ME1: variants seen among roughly 807,000 people sequenced by gnomAD.
ME1 encodes NADP-dependent malic enzyme.
Under a neutral mutation model 66.4 loss-of-function variants are expected in ME1, and 74 were observed. That is an observed-to-expected ratio of 1.11 (90% CI 0.92 to 1.35). ME1 has a LOEUF of 1.35. Ranked by LOEUF, ME1 falls within the 40% of genes most tolerant of loss-of-function variation. The probability of loss-of-function intolerance (pLI) is 0.00; values close to 1 mark genes in which losing one functional copy is unlikely to be tolerated. For missense variants in ME1, 750 were observed against 694.1 expected, an observed-to-expected ratio of 1.08 and a Z score of -0.90; for synonymous variants, 251 against 235.6, an observed-to-expected ratio of 1.07 and a Z score of -0.60.
intron 2 of ME1, among the ~76,000 whole-genome samples, chr6:83,406,315 T>G (rs1324600749): frequency 6.6e-6 from 1 of 152,218 alleles, no homozygotes; most frequent in Non-Finnish European, 1.5e-5. Flanking sequence ...CTCTTCCCAA[T>G]TTTGCTATCA....
intron 4 of ME1, among the ~76,000 whole-genome samples, chr6:83,348,588 TA>T (rs1018630990): frequency 8.5e-5 from 13 of 152,106 alleles, no homozygotes; most frequent in African/African-American, 3.1e-4. Context: ...AGAGAGTTGT[TA>T]TTTGGTTTCA....
intron 3 of ME1, among the ~76,000 whole-genome samples, chr6:83,371,946 C>A (rs537778656): frequency 3.3e-5 from 5 of 152,228 alleles, no homozygotes; most frequent in African/African-American, 2.4e-5. Flanking sequence ...GGTTTAGGGG[C>A]CCCTCCTGTA....
intron 5 of ME1, among the ~76,000 whole-genome samples, chr6:83,331,870 C>T (rs530389637): frequency 6.6e-6 from 1 of 152,128 alleles, no homozygotes; most frequent in East Asian, 1.9e-4. Context: ...TAATAATGTC[C>T]AAACAAGCAG....
chr6:83,369,755 AT>A (rs896120517), intron 3 of ME1, among the ~76,000 whole-genome samples: 1 of 152,038 alleles, frequency 6.6e-6, no homozygotes, highest in African/African-American at 2.4e-5. Context: ...ATAGAAAACG[AT>A]TTTTTTATAA....
chr6:83,352,246 A>G, intron 3 of ME1, 107 bp from the exon 4 acceptor site: 1 of 596,838 alleles, frequency 1.7e-6, no homozygotes. Flanking sequence ...AATTTATCTC[A>G]ATTTTTATCA....
At chr6:83,404,680 T>C (rs1583420106) in intron 2 of ME1, among the ~76,000 whole-genome samples, 1 of 152,232 alleles carries the variant, frequency 6.6e-6, no homozygotes, top group Non-Finnish European at 1.5e-5. Context: ...AGTTAATTTT[T>C]GTATAAGCTG....
intron 9 of ME1, among the ~76,000 whole-genome samples, chr6:83,234,518 T>A (rs536786603): frequency 1.2e-4 from 19 of 152,170 alleles, no homozygotes; most frequent in African/African-American, 4.1e-4. Context: ...CCCCAAGGAG[T>A]CCATCTAGAC....
At chr6:83,274,654 A>G (rs1174344122) in intron 6 of ME1, among the ~76,000 whole-genome samples, 1 of 152,212 alleles carries the variant, frequency 6.6e-6, no homozygotes, top group Non-Finnish European at 1.5e-5. Context: ...AGAAGTGTTT[A>G]TTTCAGAGTA....
chr6:83,224,581 G>A (rs1023987886), intron 11 of ME1, among the ~76,000 whole-genome samples: 5 of 151,304 alleles, frequency 3.3e-5, no homozygotes, highest in Non-Finnish European at 7.4e-5. Context: ...CTACTTGAGA[G>A]GCTGAGGCAG....
rs1260780652 is a variant in ME1, at chr6:83,225,154, A to G, written c.1276-1221T>C. On this transcript the variant is annotated intron_variant, in intron 11 of 13. Transcript: ENST00000369705. Reference sequence around the variant, plus strand: ...GAGGCGGAGGTTGCAGTGAGCCGAGATCGTGCCATTCATTGCACTCCAGCC... The same window carrying G: ...GAGGCGGAGGTTGCAGTGAGCCGAGGTCGTGCCATTCATTGCACTCCAGCC... 2.1e-5 allele frequency among the ~76,000 whole-genome samples: 3 copies of G among 141,506 alleles called. No individual in the cohort carries two copies. The East Asian group carries it at 6.8e-4, about 32-fold the overall frequency. 92.8% of individuals were successfully genotyped at this position (141,506 alleles called of 152,430 possible).
chr6:83,321,462 T>TG (rs1768172665), intron 5 of ME1, among the ~76,000 whole-genome samples: 1 of 152,046 alleles, frequency 6.6e-6, no homozygotes, highest in Non-Finnish European at 1.5e-5. Flanking sequence ...GAGCTTGGTG[T>TG]GGGGAGGGAT....
intron 3 of ME1, among the ~76,000 whole-genome samples, chr6:83,367,475 C>G (rs1769119959): frequency 6.6e-6 from 1 of 152,154 alleles, no homozygotes; most frequent in Non-Finnish European, 1.5e-5. Context: ...TGCGGTGTCT[C>G]CATTGAAAAT....
chr6:83,359,132 G>C (rs1484317294), intron 3 of ME1, among the ~76,000 whole-genome samples: 1 of 151,552 alleles, frequency 6.6e-6, no homozygotes, highest in African/African-American at 2.4e-5. Flanking sequence ...GCAGGGGCTG[G>C]GCAGAGGCAC....
intron 9 of ME1, among the ~76,000 whole-genome samples, chr6:83,229,487 C>A (rs922437836): frequency 6.6e-6 from 1 of 152,068 alleles, no homozygotes; most frequent in Non-Finnish European, 1.5e-5. Flanking sequence ...ATTCTAGCTG[C>A]AAATTTTAAA....
chr6:83,414,513 A>C (rs1366368772), intron 1 of ME1, among the ~76,000 whole-genome samples: 1 of 152,122 alleles, frequency 6.6e-6, no homozygotes, highest in Non-Finnish European at 1.5e-5. Context: ...GCAAAATATC[A>C]CTTTATAGTA....
At chr6:83,324,666 A>G (rs2128541022) in intron 5 of ME1, among the ~76,000 whole-genome samples, 1 of 149,050 alleles carries the variant, frequency 6.7e-6, no homozygotes, top group African/African-American at 2.5e-5. Flanking sequence ...ATCCCCGAAT[A>G]GACCAATAAC....
At chr6:83,406,091 T>A (rs1199122518) in intron 2 of ME1, among the ~76,000 whole-genome samples, 1 of 152,162 alleles carries the variant, frequency 6.6e-6, no homozygotes, top group African/African-American at 2.4e-5. Flanking sequence ...AATAATCATG[T>A]GAGTTTTGTC....
intron 5 of ME1, among the ~76,000 whole-genome samples, chr6:83,343,403 A>G (rs1355931085): frequency 6.6e-6 from 1 of 152,212 alleles, no homozygotes; most frequent in African/African-American, 2.4e-5. Flanking sequence ...GTCACTCTCA[A>G]AGTGACAAAG....
intron 6 of ME1, among the ~76,000 whole-genome samples, chr6:83,261,717 G>C (rs576450868): frequency 1.3e-5 from 2 of 152,038 alleles, no homozygotes; most frequent in East Asian, 3.9e-4. Context: ...AAAACGTGAA[G>C]TATGAAAAAG....
Sources: gnomAD v4.1 joint callset for allele counts (sites outside exome capture counted in the v4.1 genomes callset) on GRCh38, gnomAD v4.1.1 for gene constraint, MANE v1.5 for transcripts, NCBI Gene and HGNC (gene_info 2026-07-23, HGNC 2026-07-21) for gene names.